Variants in ARHGAP10 observed in about 807,000 individuals in gnomAD.
ARHGAP10 encodes the protein rho GTPase-activating protein 10.
Under a neutral mutation model 108.6 loss-of-function variants are expected in ARHGAP10, and 87 were observed. The ratio of observed to expected loss-of-function variants is 0.80; its 90% CI spans 0.67 to 0.96. The LOEUF is 0.96. ARHGAP10 is among the 40% of genes least tolerant of loss of function. The probability of loss-of-function intolerance (pLI) is 0.00; values close to 1 mark genes in which losing one functional copy is unlikely to be tolerated. For missense variants in ARHGAP10, 939 were observed against 954.5 expected, an observed-to-expected ratio of 0.98 and a Z score of 0.21; for synonymous variants, 347 against 341.1, an observed-to-expected ratio of 1.02 and a Z score of -0.19.
intron 3 of ARHGAP10, among the ~76,000 whole-genome samples, chr4:147,825,513 A>C (rs918811324): frequency 1.3e-5 from 2 of 152,098 alleles, no homozygotes; most frequent in African/African-American, 2.4e-5. Context: ...TCATTCCTAA[A>C]TTTTGAGGTA....
intron 20 of ARHGAP10, among the ~76,000 whole-genome samples, chr4:148,058,519 G>C (rs993937062): frequency 3.9e-5 from 6 of 152,200 alleles, no homozygotes; most frequent in Non-Finnish European, 7.3e-5. Context: ...TGCAAGAAAT[G>C]TTTGTTAGAT....
intron 1 of ARHGAP10, among the ~76,000 whole-genome samples, chr4:147,783,168 A>C (rs1038148330): frequency 7.7e-6 from 1 of 129,288 alleles, no homozygotes; most frequent in East Asian, 2.2e-4. Flanking sequence ...TGTATAATTT[A>C]TATAACACAT....
At chr4:147,737,414 C>A (rs528116883) in intron 1 of ARHGAP10, among the ~76,000 whole-genome samples, 2 of 152,026 alleles carry the variant, frequency 1.3e-5, no homozygotes, top group African/African-American at 2.4e-5. Context: ...CTCGGCCTCC[C>A]AAAGTGCTGG....
At chr4:147,752,561 C>T (rs1393900944) in intron 1 of ARHGAP10, among the ~76,000 whole-genome samples, 6 of 146,688 alleles carry the variant, frequency 4.1e-5, no homozygotes, top group Non-Finnish European at 6.0e-5. Context: ...TTTTTGGTGA[C>T]GGGGTCTCAT....
chr4:147,781,831 C>CA (rs746276968), intron 1 of ARHGAP10, among the ~76,000 whole-genome samples: 27 of 152,128 alleles, frequency 1.8e-4, no homozygotes, highest in Non-Finnish European at 3.2e-4. Context: ...TAGCAAAGTA[C>CA]ATCTTTACGC....
At chr4:147,917,204 C>T (rs1475716417) in intron 13 of ARHGAP10, 1 of 151,926 alleles carries the variant, frequency 6.6e-6, no homozygotes, top group Admixed American at 6.6e-5. Context: ...GGTAATTGGG[C>T]CTGATGGCAT....
intron 1 of ARHGAP10, among the ~76,000 whole-genome samples, chr4:147,776,712 G>A (rs1730305396): frequency 6.6e-6 from 1 of 152,176 alleles, no homozygotes; most frequent in African/African-American, 2.4e-5. Flanking sequence ...AAGCTCTGCT[G>A]CTTCTGTTGG....
chr4:148,053,547 G>A (rs950943399), intron 20 of ARHGAP10, among the ~76,000 whole-genome samples: 5 of 152,196 alleles, frequency 3.3e-5, no homozygotes, highest in African/African-American at 1.2e-4. Context: ...CAACCAGGCA[G>A]CATCCATAAT....
At chr4:147,783,533 A>G (rs28711870) in intron 1 of ARHGAP10, among the ~76,000 whole-genome samples, 181 of 147,848 alleles carry the variant, frequency 1.2e-3, no homozygotes, top group African/African-American at 3.6e-3. Flanking sequence ...ACATTAAATT[A>G]TGTATTGTAT....
intron 4 of ARHGAP10, among the ~76,000 whole-genome samples, chr4:147,855,241 G>A (rs1734036460): frequency 6.6e-6 from 1 of 152,204 alleles, no homozygotes; most frequent in African/African-American, 2.4e-5. Context: ...AGAGTAATGA[G>A]TGGCTAGGAC....
At chr4:147,857,853 G>T (rs1199047674) in intron 5 of ARHGAP10, 199 bp downstream of exon 5, 1 of 327,114 alleles carries the variant, frequency 3.1e-6, no homozygotes, top group African/African-American at 2.2e-5. Context: ...AGTGATTAAT[G>T]AGCTATGGAT....
At chr4:147,863,175 C>T (rs1189629631) in intron 5 of ARHGAP10, 1 of 152,154 alleles carries the variant, frequency 6.6e-6, no homozygotes, top group Non-Finnish European at 1.5e-5. Flanking sequence ...TTGCAACTGT[C>T]ACCACCATGC....
chr4:147,754,520 C>G (rs1462960636), intron 1 of ARHGAP10, among the ~76,000 whole-genome samples: 1 of 152,116 alleles, frequency 6.6e-6, no homozygotes, highest in African/African-American at 2.4e-5. Flanking sequence ...GAAAGAAAAG[C>G]TCAGTGGGGG....
Position 147,866,168 on chromosome 4 carries a change from C to T in ARHGAP10, c.598-544C>T, listed in dbSNP as rs146113438. 1.3e-4 allele frequency: 20 copies of T among 152,372 alleles called. No homozygotes were observed. The East Asian group carries it at 3.5e-3, about 26-fold the overall frequency. 9.4% of individuals were successfully genotyped at this position (152,372 alleles called of 1,614,324 possible). A position where few individuals can be genotyped will look rare whatever the true frequency, so the allele number is the denominator to read the frequency against. ...TTTTACTTCTAGATTTATTGACTTA[C>T]ATGTGGAGCAGAGGCAACAGCCCTC... On this transcript the variant is annotated intron_variant, in intron 6 of 22. Transcript: ENST00000336498.
At chr4:148,031,263 AGTT>A (rs1175270039) in intron 19 of ARHGAP10, among the ~76,000 whole-genome samples, 11 of 152,228 alleles carry the variant, frequency 7.2e-5, no homozygotes, top group Admixed American at 7.2e-4. Flanking sequence ...AATCTTTAGT[AGTT>A]CATGCAGGAG....
At chr4:147,836,355 T>C (rs1733170829) in intron 3 of ARHGAP10, among the ~76,000 whole-genome samples, 1 of 152,152 alleles carries the variant, frequency 6.6e-6, no homozygotes, top group Admixed American at 6.5e-5. Context: ...AGGTTTCAAG[T>C]TTTTCACAGT....
intron 1 of ARHGAP10, among the ~76,000 whole-genome samples, chr4:147,737,987 T>C (rs774405288): frequency 8.5e-5 from 13 of 152,064 alleles, no homozygotes; most frequent in Non-Finnish European, 1.8e-4. Context: ...CTGGGGTTCC[T>C]TTGACCAGCT....
chr4:147,847,333 T>C lies in ARHGAP10; in HGVS notation c.384+111T>C. 12 of 988,058 alleles carry C rather than the reference T, an allele frequency of 1.2e-5. No homozygotes were observed. The South Asian group carries it at 1.3e-4, about 10-fold the overall frequency. 61.2% of individuals were successfully genotyped at this position (988,058 alleles called of 1,614,324 possible). On this transcript the variant is annotated intron_variant, in intron 4 of 22. Coordinates refer to ENST00000336498, the MANE Select transcript of ARHGAP10 (RefSeq NM_024605.4). ...AGGAGATGCCGGAGCAAACCATCTG[T>C]TGTTTTGTTTGAAATGTGCTTTTCC...
chr4:147,853,377 C>T lies in ARHGAP10; in HGVS notation c.385-4176C>T, dbSNP rs192062069. On this transcript the variant is annotated intron_variant, in intron 4 of 22. Transcript: ENST00000336498. ...TGCCATATTTAAGTTCTTCTCTAGA[C>T]GAGTCCAACAGTAAACATTATTTAA... Among the ~76,000 whole-genome samples the T allele has an allele frequency of 1.1e-4, 16 of 152,298 alleles. No individual in the cohort carries two copies. The East Asian group carries it at 1.9e-3, about 18-fold the overall frequency.
Sources: allele counts gnomAD v4.1 joint callset (sites outside exome capture counted in the v4.1 genomes callset), GRCh38; gene constraint gnomAD v4.1.1; transcripts MANE v1.5; gene names NCBI Gene and HGNC (gene_info 2026-07-23, HGNC 2026-07-21).